Variants in PSEN2 observed in about 807,000 individuals in gnomAD.
PSEN2 encodes the protein presenilin 2.
In PSEN2, 32 loss-of-function variants were observed where a neutral mutation model predicts 49.1. The observed-to-expected ratio is 0.65, with a 90% CI of 0.49 to 0.88. The LOEUF (loss-of-function observed/expected upper bound fraction) is 0.88. PSEN2 is among the 40% of genes least tolerant of loss of function. The pLI is 0.00. For missense variants in PSEN2, 522 were observed against 586.9 expected (o/e 0.89, Z 1.14); for synonymous variants, 255 against 244.0 (o/e 1.05, Z -0.42).
chr1:226,882,052 G>A lies in PSEN2; in HGVS notation c.141+4G>A. The A allele has an allele frequency of 1.2e-6, 2 of 1,613,794 alleles. No homozygotes were observed. Among genetic ancestry groups the A allele is most frequent in the Non-Finnish European group, 1.7e-6 (2 of 1,179,974 alleles). ...TGGAGAGAACACTGCCCAGTGGGTA[G>A]GTCCCACCAGCAGCTGGGGGCCTTC... On this transcript the variant is annotated splice_donor_region_variant and intron_variant, in intron 4 of 12. Transcript: ENST00000366783.
chr1:226,885,821 C>G (rs765341821), intron 6 of PSEN2, 142 bp downstream of exon 6: 357 of 879,390 alleles, frequency 4.1e-4, no homozygotes, highest in Non-Finnish European at 6.0e-4. Context: ...CTCCCCACCC[C>G]ATCCTGTCTC....
At position 226,888,220 on chromosome 1, in the gene PSEN2, T is replaced by C. The variant is rs1055973621; in HGVS notation, c.566+62T>C. The C allele has an allele frequency of 4.9e-6, 7 of 1,415,890 alleles. No individual in the cohort carries two copies. The African/African-American group carries it at 9.9e-5, about 20-fold the overall frequency. 87.7% of individuals were successfully genotyped at this position (1,415,890 alleles called of 1,614,324 possible). ...CCTCTCCATGTGGCACAAGTGGACA[T>C]GGGCATGAGGACCTGGGCGGGGAAA... On this transcript the variant is annotated intron_variant, in intron 7 of 12. Coordinates refer to ENST00000366783, the MANE Select transcript of PSEN2 (RefSeq NM_000447.3).
At chr1:226,888,719 G>T (rs1283032204) in intron 7 of PSEN2, 110 bp from the exon 8 acceptor site, 1 of 939,982 alleles carries the variant, frequency 1.1e-6, no homozygotes, top group East Asian at 2.5e-5. Context: ...GTGAAGGTCG[G>T]GGAAGGAAAT....
chr1:226,899,478 CA>C (rs1443309337), downstream of PSEN2: 1 of 152,186 alleles, frequency 6.6e-6, no homozygotes, highest in Non-Finnish European at 1.5e-5. Context: ...GTGATTGAAG[CA>C]GAGAAACTTA....
At position 226,883,879 on chromosome 1, in the gene PSEN2, A is replaced by G. The variant is rs1661165250; in HGVS notation, c.316A>G (p.Ile106Val). ...GTGCATGATCGTGGTGGTAGCCACCATCAAGTCTGTGCGCTTCTACACAGA... is the reference window on the plus strand; with the variant it reads ...GTGCATGATCGTGGTGGTAGCCACCGTCAAGTCTGTGCGCTTCTACACAGA... ...TLCMIVVVATIKSVRFYTEKN... is the reference protein window; with the variant it reads ...TLCMIVVVATVKSVRFYTEKN... The change falls in exon 5 of 13, where the codon ATC becomes GTC. Residue 106 changes from isoleucine (I) to valine (V), a missense_variant. By Grantham distance (29) the Ile-to-Val change is conservative (BLOSUM62 3). Coordinates refer to ENST00000366783, the MANE Select transcript of PSEN2 (RefSeq NM_000447.3). 1.2e-6 allele frequency: 2 copies of G among 1,601,228 alleles called. No individual in the cohort carries two copies. Among genetic ancestry groups the G allele is most frequent in the Non-Finnish European group, 1.7e-6 (2 of 1,172,944 alleles).
intron 2 of PSEN2, among the ~76,000 whole-genome samples, chr1:226,875,052 A>T (rs960501276): frequency 6.6e-6 from 1 of 152,142 alleles, no homozygotes; most frequent in African/African-American, 2.4e-5. Context: ...TGAGTGGGAC[A>T]GGGCTGTTAG....
chr1:226,902,495 G>A (rs1662348830), intron 12 of PSEN2, among the ~76,000 whole-genome samples: 1 of 152,132 alleles, frequency 6.6e-6, no homozygotes, highest in Non-Finnish European at 1.5e-5. Context: ...TTTGGGATTT[G>A]GGGAGAAAGT....
At chr1:226,891,917 C>A (rs1419284471) in intron 11 of PSEN2, 73 bp downstream of exon 11, 25 of 1,385,616 alleles carry the variant, frequency 1.8e-5, no homozygotes, top group African/African-American at 2.8e-5. Context: ...AGGCTCCCTG[C>A]AGCCTGGGTG....
At chr1:226,880,382 TA>T in intron 3 of PSEN2, 1 of 686,764 alleles carries the variant, frequency 1.5e-6, no homozygotes, top group Non-Finnish European at 2.2e-6. Context: ...TCTCTAGAAA[TA>T]AAAATAAAAA....
At chr1:226,891,651 TC>T in intron 10 of PSEN2, 91 bp from the exon 11 acceptor site, 1 of 1,218,570 alleles carries the variant, frequency 8.2e-7, no homozygotes, top group South Asian at 1.2e-5. Flanking sequence ...GGAGCTTTGT[TC>T]CCTGGTAACA....
intron 12 of PSEN2, among the ~76,000 whole-genome samples, chr1:226,902,202 C>T (rs755379987): frequency 1.5e-4 from 23 of 152,138 alleles, no homozygotes; most frequent in South Asian, 2.1e-4. Context: ...AGATCCTTGG[C>T]GTGCACAGTT....
chr1:226,899,378 A>G (rs1662242098), downstream of PSEN2: 1 of 152,208 alleles, frequency 6.6e-6, no homozygotes, highest in South Asian at 2.1e-4. Flanking sequence ...CTCTCCTGAC[A>G]TATACCAAGT....
Position 226,891,784 on chromosome 1 carries a change from G to A in PSEN2, c.1012G>A (p.Glu338Lys), listed in dbSNP as rs559617407. 8.7e-6 allele frequency: 14 copies of A among 1,614,156 alleles called. No homozygotes were observed. The highest frequency in any genetic ancestry group is 6.6e-5 in the South Asian group (6 of 91,084). Residue 338 changes from glutamate to lysine, a missense_variant, in exon 11 of 13, where the codon GAA becomes AAA. Coordinates refer to ENST00000366783, the MANE Select transcript of PSEN2 (RefSeq NM_000447.3). ...CAGTTTTGGGGAGCCTTCATACCCC[G>A]AAGTCTTTGAGCCTCCCTTGACTGG... ...YDSFGEPSYP[E>K]VFEPPLTGYP...
Position 226,895,879 on chromosome 1 carries a change from A to C in PSEN2, c.*300A>C. The C allele has an allele frequency of 4.2e-6, 2 of 473,562 alleles. No individual in the cohort carries two copies. The highest frequency in any genetic ancestry group is 8.5e-5 in the East Asian group (2 of 23,602). 29.3% of individuals were successfully genotyped at this position (473,562 alleles called of 1,614,324 possible). On this transcript the variant is annotated 3_prime_UTR_variant, in exon 13 of 13. Transcript: ENST00000366783. ...AGAAGAGCATCCGGCATGAGGGCTG[A>C]GATGCGCAAAGAGTGTGCTCGGGAG...
At chr1:226,891,680 T>G (rs1661759139) in intron 10 of PSEN2, 63 bp from the exon 11 acceptor site, 1 of 1,410,336 alleles carries the variant, frequency 7.1e-7, no homozygotes, top group Non-Finnish European at 1.0e-6. Context: ...CAGCTGTTGT[T>G]TCTCTCTCTT....
chr1:226,886,538 G>C (rs1297297796), intron 6 of PSEN2, among the ~76,000 whole-genome samples: 1 of 152,202 alleles, frequency 6.6e-6, no homozygotes, highest in Non-Finnish European at 1.5e-5. Flanking sequence ...TTTTCTCCCA[G>C]GTAAGGGGTT....
chr1:226,884,459 G>A (rs892898841), intron 5 of PSEN2, among the ~76,000 whole-genome samples: 1 of 151,978 alleles, frequency 6.6e-6, no homozygotes, highest in Non-Finnish European at 1.5e-5. Flanking sequence ...AGAGGCAGCA[G>A]CGTAGAAAAA....
chr1:226,900,736 A>G (rs1662290367), downstream of PSEN2, among the ~76,000 whole-genome samples: 2 of 152,132 alleles, frequency 1.3e-5, no homozygotes, highest in Admixed American at 1.3e-4. Context: ...AGTACATGTG[A>G]CTAATGGCCA....
At chr1:226,881,595 A>G (rs1660993324) in intron 3 of PSEN2, among the ~76,000 whole-genome samples, 1 of 152,168 alleles carries the variant, frequency 6.6e-6, no homozygotes, top group Admixed American at 6.5e-5. Context: ...TTGCTGATTG[A>G]ATGAATGAGC....
Sources: gnomAD v4.1 joint callset for allele counts (sites outside exome capture counted in the v4.1 genomes callset) on GRCh38, gnomAD v4.1.1 for gene constraint, MANE v1.5 for transcripts, NCBI Gene and HGNC (gene_info 2026-07-23, HGNC 2026-07-21) for gene names.